The following SHANK2 variants were observed in gnomAD, a reference collection of about 807,000 sequenced individuals.
SHANK2 encodes SH3 and multiple ankyrin repeat domains protein 2.
SHANK2 carries 43 observed loss-of-function variants against 133.7 expected under a neutral mutation model. That is an observed-to-expected ratio of 0.32 (90% CI 0.25 to 0.41). The LOEUF is 0.41. Ranked by LOEUF, SHANK2 falls within the 10% of genes least tolerant of loss-of-function variation. SHANK2 has a pLI of 1.00. For missense variants in SHANK2, 1,994 were observed against 2,235.8 expected, an observed-to-expected ratio of 0.89 and a Z score of 2.18; for synonymous variants, 1,017 against 952.8, an observed-to-expected ratio of 1.07 and a Z score of -1.24.
chr11:70,721,310 G>C (rs1946071371), intron 14 of SHANK2, among the ~76,000 whole-genome samples: 1 of 152,370 alleles, frequency 6.6e-6, no homozygotes, highest in East Asian at 1.9e-4. Context: ...TTCCTCCGCA[G>C]TGTCTCACAT....
intron 10 of SHANK2, among the ~76,000 whole-genome samples, chr11:70,909,102 C>T (rs1555078517): frequency 1.3e-5 from 2 of 152,238 alleles, no homozygotes; most frequent in Non-Finnish European, 2.9e-5. Context: ...TGCAACCTCC[C>T]TCTCCCAGAA....
chr11:70,608,007 A>G (rs1404988172), intron 17 of SHANK2, among the ~76,000 whole-genome samples: 1 of 152,220 alleles, frequency 6.6e-6, no homozygotes, highest in Non-Finnish European at 1.5e-5. Context: ...TGGCTTGCCC[A>G]GAGTCACACA....
At chr11:70,931,558 C>T (rs944931353) in intron 10 of SHANK2, among the ~76,000 whole-genome samples, 3 of 152,214 alleles carry the variant, frequency 2.0e-5, no homozygotes, top group Admixed American at 6.5e-5. Flanking sequence ...TAGAATCACC[C>T]GTCCTTGTGT....
intron 15 of SHANK2, among the ~76,000 whole-genome samples, chr11:70,683,820 G>A (rs1945085208): frequency 1.3e-5 from 2 of 149,538 alleles, no homozygotes; most frequent in South Asian, 4.2e-4. Flanking sequence ...GTCTCCCTCT[G>A]TTGCCCAGGC....
intron 2 of SHANK2, among the ~76,000 whole-genome samples, chr11:71,196,443 G>A (rs1463681376): frequency 1.3e-5 from 2 of 151,890 alleles, no homozygotes; most frequent in East Asian, 2.0e-4. Context: ...ATGCCACCAC[G>A]TCCAGCTAAT....
chr11:70,761,054 C>T (rs868982246), intron 14 of SHANK2, among the ~76,000 whole-genome samples: 1 of 152,112 alleles, frequency 6.6e-6, no homozygotes, highest in Non-Finnish European at 1.5e-5. Context: ...GGGAGGAGAG[C>T]GTGGGACCCT....
At chr11:70,563,697 CCTGG>C (rs1367506365) in intron 17 of SHANK2, among the ~76,000 whole-genome samples, 3 of 152,072 alleles carry the variant, frequency 2.0e-5, no homozygotes, top group African/African-American at 4.8e-5. Flanking sequence ...TGCCACCACA[CCTGG>C]CTAATTTTGT....
At chr11:70,636,402 CGAGCATGTGT>C (rs1423813824) in intron 17 of SHANK2, among the ~76,000 whole-genome samples, 1 of 150,828 alleles carries the variant, frequency 6.6e-6, no homozygotes, top group African/African-American at 2.4e-5. Flanking sequence ...AGTGTGTATG[CGAGCATGTGT>C]GAGCATGTGT....
chr11:70,761,494 G>A (rs1201168649), intron 14 of SHANK2, among the ~76,000 whole-genome samples: 2 of 152,216 alleles, frequency 1.3e-5, no homozygotes, highest in Non-Finnish European at 2.9e-5. Flanking sequence ...CCATGTCTGC[G>A]TGGGATGATG....
rs1952316903 is a variant in SHANK2, at chr11:71,131,966, G to C, written c.208-12934C>G. On this transcript the variant is annotated intron_variant, in intron 3 of 25. Coordinates refer to ENST00000601538, the MANE Select transcript of SHANK2 (RefSeq NM_012309.5). ...CTGCAAGAGGAGGAGCAGGGATTAA[G>C]GGGGTCCCCGAGGCCGAGCTAATGA... Among the ~76,000 whole-genome samples, 4 of 152,220 alleles carry C rather than the reference G, an allele frequency of 2.6e-5. No individual in the cohort carries two copies. The South Asian group carries it at 8.3e-4, about 31-fold the overall frequency.
chr11:70,893,491 C>T (rs868966014), intron 11 of SHANK2, among the ~76,000 whole-genome samples: 46 of 152,356 alleles, frequency 3.0e-4, no homozygotes, highest in Admixed American at 2.0e-3. Context: ...TCAATCAACA[C>T]ATTGAGAGAT....
At chr11:70,599,622 A>C (rs2060451481) in intron 17 of SHANK2, among the ~76,000 whole-genome samples, 1 of 84,630 alleles carries the variant, frequency 1.2e-5, no homozygotes, top group East Asian at 7.7e-4. Flanking sequence ...AAAAAAAAAA[A>C]AAAAAAAAAA....
chr11:70,582,318 CT>C (rs1485534574), intron 17 of SHANK2, among the ~76,000 whole-genome samples: 2 of 152,384 alleles, frequency 1.3e-5, no homozygotes, highest in East Asian at 3.9e-4. Flanking sequence ...CTACTGCTGA[CT>C]GAATGCCGTG....
intron 10 of SHANK2, among the ~76,000 whole-genome samples, chr11:70,938,989 A>G (rs1261906269): frequency 2.0e-5 from 3 of 152,236 alleles, no homozygotes; most frequent in Admixed American, 2.0e-4. Flanking sequence ...CTAATCCAGG[A>G]GAGACACTAG....
intron 11 of SHANK2, among the ~76,000 whole-genome samples, chr11:70,866,548 T>A (rs2135523866): frequency 6.6e-6 from 1 of 152,356 alleles, no homozygotes; most frequent in Middle Eastern, 3.4e-3. Context: ...AATTGCACTT[T>A]GCTGCAGACG....
Position 70,906,078 on chromosome 11 carries a change from G to A in SHANK2, c.1108-9511C>T, listed in dbSNP as rs572391072. ...TCTGCCGGCCTAGGCCTCCCAAAGT[G>A]CTGGGATCACAGGATTGCACCCAGC... On this transcript the variant is annotated intron_variant, in intron 10 of 25. Coordinates refer to ENST00000601538, the MANE Select transcript of SHANK2 (RefSeq NM_012309.5). 3.9e-5 allele frequency among the ~76,000 whole-genome samples: 6 copies of A among 152,296 alleles called. No individual in the cohort carries two copies. The East Asian group carries it at 9.6e-4, about 24-fold the overall frequency.
chr11:70,942,018 T>C (rs1950655229), intron 10 of SHANK2, among the ~76,000 whole-genome samples: 1 of 151,830 alleles, frequency 6.6e-6, no homozygotes, highest in Admixed American at 6.6e-5. Context: ...TGAAACCCCA[T>C]CTCTACTAAA....
At chr11:71,090,452 T>C in intron 8 of SHANK2, among the ~76,000 whole-genome samples, 1 of 81,710 alleles carries the variant, frequency 1.2e-5, no homozygotes, top group Non-Finnish European at 2.8e-5. Flanking sequence ...CGTGTGTGTG[T>C]GTGTGTGTGT....
intron 15 of SHANK2, among the ~76,000 whole-genome samples, chr11:70,665,362 A>C (rs1224180936): frequency 6.7e-6 from 1 of 148,256 alleles, no homozygotes; most frequent in Non-Finnish European, 1.5e-5. Flanking sequence ...GATGGTCTTA[A>C]ACTCCTGGCC....
Sources: gnomAD v4.1 joint callset for allele counts (sites outside exome capture counted in the v4.1 genomes callset) on GRCh38, gnomAD v4.1.1 for gene constraint, MANE v1.5 for transcripts, NCBI Gene and HGNC (gene_info 2026-07-23, HGNC 2026-07-21) for gene names.